Variants in FHIT observed in about 807,000 individuals in gnomAD.
FHIT encodes the protein bis(5'-adenosyl)-triphosphatase.
A neutral mutation model predicts 17.9 loss-of-function variants in FHIT; 19 were observed. That is an observed-to-expected ratio of 1.06 (90% CI 0.74 to 1.56). FHIT has a LOEUF of 1.56. Among genes scored for constraint, FHIT ranks in the 40% most tolerant of loss-of-function variants. FHIT has a pLI of 0.00. For missense variants in FHIT, 248 were observed against 189.2 expected (o/e 1.31, Z -1.82); for synonymous variants, 81 against 69.7 (o/e 1.16, Z -0.81).
In FHIT at chr3:59,901,868, C is replaced by G. The variant is rs942312496; in HGVS notation, c.348+20478G>C. Among the ~76,000 whole-genome samples, 3 of 152,090 alleles carry G rather than the reference C, an allele frequency of 2.0e-5. No individual in the cohort carries two copies. The East Asian group carries it at 5.8e-4, about 29-fold the overall frequency. On this transcript the variant is annotated intron_variant, in intron 8 of 9. Transcript: ENST00000492590. Reference sequence around the variant, plus strand: ...TCACAGAACGATTATTCATAAGAAGCAAAAAGTAGAAACAACTCAACTGTC... The same window carrying G: ...TCACAGAACGATTATTCATAAGAAGGAAAAAGTAGAAACAACTCAACTGTC...
At chr3:60,024,021 A>G (rs1249001652) in intron 5 of FHIT, among the ~76,000 whole-genome samples, 1 of 152,158 alleles carries the variant, frequency 6.6e-6, no homozygotes, top group Non-Finnish European at 1.5e-5. Context: ...AATTCCTAAT[A>G]CAAATGTAAC....
rs1559688152 is a variant in FHIT at position 60,744,269 on chromosome 3, A to AAAAAAAAAAAAAC, written c.-18+77649_-18+77650insGTTTTTTTTTTTT. On this transcript the variant is annotated intron_variant, in intron 4 of 9. Transcript: ENST00000492590. ...TGTAAAAAAAAAAACAAAACAAAAC[A>AAAAAAAAAAAAAC]AAAAAAAAAAAAAACAGAAAGAAAA... is the stretch of plus-strand genomic sequence containing the variant. Among the ~76,000 whole-genome samples the AAAAAAAAAAAAAC allele has an allele frequency of 2.4e-3, 39 of 15,996 alleles. 1 individual carries two copies. The highest frequency in any genetic ancestry group is 3.3e-3 in the African/African-American group (14 of 4,214). 10.5% of individuals were successfully genotyped at this position (15,996 alleles called of 152,430 possible).
chr3:61,120,003 T>A (rs978259732), intron 2 of FHIT, among the ~76,000 whole-genome samples: 1 of 152,230 alleles, frequency 6.6e-6, no homozygotes, highest in Admixed American at 6.5e-5. Flanking sequence ...TCTCTTTTTA[T>A]TGATTCTTTT....
At chr3:60,376,585 T>C (rs1700571138) in intron 5 of FHIT, among the ~76,000 whole-genome samples, 2 of 152,182 alleles carry the variant, frequency 1.3e-5, no homozygotes. Flanking sequence ...GACACTTCTC[T>C]GCAAAAGAAA....
Position 60,378,400 on chromosome 3 carries a change from T to TC in FHIT, c.103+158459_103+158460insG, listed in dbSNP as rs573061692. On this transcript the variant is annotated intron_variant, in intron 5 of 9. Transcript: ENST00000492590. ...TTTTCTTCAGGTATGTTCCTGGTTT[T>TC]TCAGGAGGCACTCTGCCTTGCAGAT... Among the ~76,000 whole-genome samples the TC allele has an allele frequency of 5.3e-5, 8 of 152,248 alleles. 1 individual carries two copies. Among genetic ancestry groups the TC allele is most frequent in the South Asian group, 2.1e-4 (1 of 4,816 alleles).
intron 2 of FHIT, among the ~76,000 whole-genome samples, chr3:61,102,809 C>T (rs924468252): frequency 6.6e-6 from 1 of 152,082 alleles, no homozygotes. Context: ...GGAATTTATC[C>T]ATTTCTTCTA....
intron 4 of FHIT, among the ~76,000 whole-genome samples, chr3:60,779,854 A>AT (rs1700328167): frequency 6.6e-6 from 1 of 152,198 alleles, no homozygotes; most frequent in Admixed American, 6.5e-5. Flanking sequence ...TGTTTCATGG[A>AT]TAAAGGCCAC....
intron 5 of FHIT, among the ~76,000 whole-genome samples, chr3:60,032,628 C>T (rs1701050570): frequency 6.6e-6 from 1 of 152,118 alleles, no homozygotes; most frequent in Non-Finnish European, 1.5e-5. Context: ...ATCTGCTGAT[C>T]AATTTCAGGA....
chr3:60,011,307 G>A (rs1184236658), intron 7 of FHIT, 64 bp downstream of exon 7: 2 of 1,490,214 alleles, frequency 1.3e-6, no homozygotes, highest in Non-Finnish European at 1.9e-6. Flanking sequence ...ATGACTCGTT[G>A]TGATTTTTTA....
At chr3:60,349,143 G>A (rs1710948391) in intron 5 of FHIT, among the ~76,000 whole-genome samples, 1 of 152,158 alleles carries the variant, frequency 6.6e-6, no homozygotes, top group East Asian at 1.9e-4. Context: ...TTTTATTAAA[G>A]TAACTAATAA....
intron 8 of FHIT, among the ~76,000 whole-genome samples, chr3:59,842,440 G>A (rs998524294): frequency 1.3e-5 from 2 of 152,098 alleles, no homozygotes; most frequent in African/African-American, 4.8e-5. Context: ...CCCAGAAGTG[G>A]GATTGCTGGA....
chr3:61,195,115 T>G (rs1469041950), intron 2 of FHIT, among the ~76,000 whole-genome samples: 2 of 151,552 alleles, frequency 1.3e-5, no homozygotes, highest in Non-Finnish European at 2.9e-5. Context: ...TAGGGAACTC[T>G]CAGGGAAGAA....
At chr3:59,865,939 G>A (rs1249608307) in intron 8 of FHIT, among the ~76,000 whole-genome samples, 1 of 152,196 alleles carries the variant, frequency 6.6e-6, no homozygotes, top group South Asian at 2.1e-4. Flanking sequence ...ACTGCATCCA[G>A]AGCAGTTCCC....
chr3:60,732,464 G>A (rs542983064), intron 4 of FHIT: 74 of 715,462 alleles, frequency 1.0e-4, no homozygotes, highest in Non-Finnish European at 1.8e-4. Flanking sequence ...TATAAACCCT[G>A]TAATAATTCT....
At chr3:60,759,768 C>G (rs1699573681) in intron 4 of FHIT, among the ~76,000 whole-genome samples, 1 of 152,114 alleles carries the variant, frequency 6.6e-6, no homozygotes, top group Admixed American at 6.5e-5. Context: ...CCATGGATGA[C>G]CCAGACAAGT....
chr3:60,784,362 A>C (rs1553726335), intron 4 of FHIT, among the ~76,000 whole-genome samples: 1 of 137,346 alleles, frequency 7.3e-6, no homozygotes, highest in Non-Finnish European at 1.5e-5. Flanking sequence ...TTTGAGATGG[A>C]GTCTCACTCT....
At chr3:59,930,603 G>C (rs1351039833) in intron 7 of FHIT, among the ~76,000 whole-genome samples, 2 of 152,124 alleles carry the variant, frequency 1.3e-5, no homozygotes, top group Admixed American at 1.3e-4. Context: ...TTCAAACAGA[G>C]CAGCTCTGTT....
intron 2 of FHIT, among the ~76,000 whole-genome samples, chr3:61,076,813 A>C (rs2034986941): frequency 6.6e-6 from 1 of 152,194 alleles, no homozygotes; most frequent in South Asian, 2.1e-4. Flanking sequence ...CAAAATCAAT[A>C]CATTTTCCTT....
chr3:60,168,801 G>A (rs1291358623), intron 5 of FHIT, among the ~76,000 whole-genome samples: 1 of 152,130 alleles, frequency 6.6e-6, no homozygotes, highest in African/African-American at 2.4e-5. Flanking sequence ...TTTTTGTAAC[G>A]ATTGATACTC....
Sources: allele counts gnomAD v4.1 joint callset (sites outside exome capture counted in the v4.1 genomes callset), GRCh38; gene constraint gnomAD v4.1.1; transcripts MANE v1.5; gene names NCBI Gene and HGNC (gene_info 2026-07-23, HGNC 2026-07-21).